ZNF704: variants seen among roughly 807,000 people sequenced by gnomAD.
ZNF704 encodes the protein glucocorticoid induced gene 1.
A neutral mutation model predicts 44.7 loss-of-function variants in ZNF704; 10 were observed. The ratio of observed to expected loss-of-function variants is 0.22; its 90% CI spans 0.14 to 0.38. The LOEUF (loss-of-function observed/expected upper bound fraction) is 0.38. ZNF704 is among the 10% of genes least tolerant of loss of function. The probability of loss-of-function intolerance (pLI) is 1.00; values close to 1 mark genes in which losing one functional copy is unlikely to be tolerated. For synonymous variants in ZNF704, 211 were observed against 207.6 expected (o/e 1.02, Z -0.14); for missense variants, 390 against 545.5 (o/e 0.71, Z 2.84).
rs553740642 is a variant in ZNF704, at chr8:80,797,327, A to G, written c.221+24047T>C. ...GGAACTCTATGGCAAGATGGAGCCC[A>G]TATTTCTGCTTGGCATTGCCCTAGT... is the stretch of plus-strand genomic sequence containing the variant. On this transcript the variant is annotated intron_variant, in intron 2 of 8. Transcript: ENST00000327835. 2.6e-5 allele frequency among the ~76,000 whole-genome samples: 4 copies of G among 152,260 alleles called. No homozygotes were observed. In the South Asian group the frequency reaches 6.2e-4, roughly 24 times the overall value.
In ZNF704 at chr8:80,874,398, C is replaced by T. The variant is rs1275368626; in HGVS notation, c.-22+173G>A. On this transcript the variant is annotated intron_variant, in intron 1 of 8. Coordinates refer to ENST00000327835, the MANE Select transcript of ZNF704 (RefSeq NM_001033723.3). This position sits in a 1 kb window ranked among gnomAD's most constrained non-coding sequence, Gnocchi z 4.4. ...GGCCGGCGGCCGAGCCCGCGCGCGC[C>T]TCTCCCGGCCGGCTGCGCCCGCGCG... Among the ~76,000 whole-genome samples, 1 of 147,800 alleles carries T rather than the reference C, an allele frequency of 6.8e-6. No individual in the cohort carries two copies. The highest frequency in any genetic ancestry group is 2.4e-5 in the African/African-American group (1 of 40,932).
chr8:80,720,928 G>A (rs887833727), intron 2 of ZNF704, among the ~76,000 whole-genome samples: 1 of 152,248 alleles, frequency 6.6e-6, no homozygotes, highest in Non-Finnish European at 1.5e-5. Context: ...AGGGGCCAGG[G>A]ACTTAGCACA....
intron 3 of ZNF704, among the ~76,000 whole-genome samples, chr8:80,690,799 A>G (rs947782183): frequency 6.6e-6 from 1 of 152,216 alleles, no homozygotes; most frequent in African/African-American, 2.4e-5. Context: ...ACCTGATGTC[A>G]GGAGTTCGGG....
chr8:80,686,386 T>C (rs1430395679), intron 4 of ZNF704, among the ~76,000 whole-genome samples: 1 of 152,190 alleles, frequency 6.6e-6, no homozygotes, highest in African/African-American at 2.4e-5. Context: ...CTACTCCTTT[T>C]TGTTTTGTTT....
chr8:80,645,025 G>C, intron 7 of ZNF704: 1 of 1,275,516 alleles, frequency 7.8e-7, no homozygotes. Flanking sequence ...CCCTGACTCT[G>C]CTGAATGCCA....
At chr8:80,853,942 G>A (rs757782713) in intron 1 of ZNF704, among the ~76,000 whole-genome samples, 15 of 152,076 alleles carry the variant, frequency 9.9e-5, no homozygotes, top group Admixed American at 2.0e-4. Flanking sequence ...AAGTCATAAA[G>A]GAAGATATCA....
intron 7 of ZNF704, among the ~76,000 whole-genome samples, chr8:80,643,700 AGTGG>A (rs1356602040): frequency 6.6e-6 from 1 of 152,150 alleles, no homozygotes; most frequent in Non-Finnish European, 1.5e-5. Flanking sequence ...ATGCATTTCA[AGTGG>A]CTCATAATAC....
intron 2 of ZNF704, among the ~76,000 whole-genome samples, chr8:80,758,142 C>T (rs1252660936): frequency 1.3e-5 from 2 of 152,172 alleles, no homozygotes; most frequent in East Asian, 3.8e-4. Context: ...TCACTGTCAT[C>T]GGAAGTATTT....
chr8:80,651,040 C>T (rs1817909493), intron 7 of ZNF704, among the ~76,000 whole-genome samples: 1 of 152,156 alleles, frequency 6.6e-6, no homozygotes, highest in Non-Finnish European at 1.5e-5. Flanking sequence ...GAATTTTCAA[C>T]CCAGAAGTTC....
chr8:80,711,122 A>G (rs575077242), intron 2 of ZNF704, among the ~76,000 whole-genome samples: 1 of 152,334 alleles, frequency 6.6e-6, no homozygotes, highest in South Asian at 2.1e-4. Flanking sequence ...CTAGGCTAAC[A>G]TAGCGTTTCC....
chr8:80,719,264 T>A (rs752492901), intron 2 of ZNF704, among the ~76,000 whole-genome samples: 1 of 152,106 alleles, frequency 6.6e-6, no homozygotes, highest in Non-Finnish European at 1.5e-5. Context: ...CTCCTGGCCA[T>A]CTATACATTT....
chr8:80,807,995 C>T (rs893085435), intron 2 of ZNF704, among the ~76,000 whole-genome samples: 6 of 152,184 alleles, frequency 3.9e-5, no homozygotes, highest in African/African-American at 7.2e-5. Flanking sequence ...GGTTATTCCA[C>T]CAGCTTCGGA....
rs1808447836 is a variant in ZNF704 at position 80,830,266 on chromosome 8, A to G, written c.-21-8651T>C. Among the ~76,000 whole-genome samples the G allele has an allele frequency of 2.6e-5, 4 of 152,190 alleles. No homozygotes were observed. In the South Asian group the frequency reaches 8.3e-4, roughly 32 times the overall value. ...TGTTTGTACACTGAGGCAGAATGGA[A>G]AGGAAGGGATAAGCAAGGACTGGCA... On this transcript the variant is annotated intron_variant, in intron 1 of 8. Transcript: ENST00000327835.
intron 2 of ZNF704, among the ~76,000 whole-genome samples, chr8:80,813,752 G>A (rs1393391138): frequency 3.9e-5 from 6 of 152,032 alleles, no homozygotes; most frequent in South Asian, 2.1e-4. Context: ...GGTGGTGGGC[G>A]CCTGTAGTCC....
chr8:80,844,741 A>T (rs989706575), intron 1 of ZNF704, among the ~76,000 whole-genome samples: 2 of 152,216 alleles, frequency 1.3e-5, no homozygotes, highest in Non-Finnish European at 2.9e-5. Flanking sequence ...CAAATTAAAC[A>T]TGCTATTAAA....
chr8:80,751,565 A>C (rs958146112), intron 2 of ZNF704, among the ~76,000 whole-genome samples: 1 of 152,242 alleles, frequency 6.6e-6, no homozygotes, highest in Non-Finnish European at 1.5e-5. Context: ...ATACACAAGC[A>C]TTAATTCCCA....
rs529843232 is a variant in ZNF704, at chr8:80,810,037, T to C, written c.221+11337A>G. ...CTCTTGAACACAGCCCTCTTCTCTG[T>C]TGCTTTTGTACTGGCCAAAGGTTTC... On this transcript the variant is annotated intron_variant, in intron 2 of 8. Coordinates refer to ENST00000327835, the MANE Select transcript of ZNF704 (RefSeq NM_001033723.3). 7.2e-5 allele frequency among the ~76,000 whole-genome samples: 11 copies of C among 152,330 alleles called. No homozygotes were observed. The South Asian group carries it at 1.9e-3, about 26-fold the overall frequency.
intron 2 of ZNF704, among the ~76,000 whole-genome samples, chr8:80,759,228 T>A (rs1332331967): frequency 2.0e-5 from 3 of 152,028 alleles, no homozygotes; most frequent in African/African-American, 7.2e-5. Flanking sequence ...CTTTGTAGAC[T>A]TTTGATGGAC....
rs1314331379 is a variant in ZNF704, at chr8:80,634,217, A to C, written c.*7149T>G. The C allele has an allele frequency of 1.3e-5, 2 of 152,230 alleles. No homozygotes were observed. Among genetic ancestry groups the C allele is most frequent in the African/African-American group, 4.8e-5 (2 of 41,460 alleles). The allele number at this position is 152,230 out of a possible 1,614,324, so 9.4% of individuals were successfully genotyped here. On this transcript the variant is annotated 3_prime_UTR_variant, in exon 9 of 9. Transcript: ENST00000327835. Reference sequence around the variant, plus strand: ...ACAGTGGCCACGGTAGAAAACACTAAGAAAATTAGGATAACAGTGATTCAA... The same window carrying C: ...ACAGTGGCCACGGTAGAAAACACTACGAAAATTAGGATAACAGTGATTCAA...
Sources: gnomAD v4.1 joint callset for allele counts (sites outside exome capture counted in the v4.1 genomes callset) on GRCh38, gnomAD v4.1.1 for gene constraint, Gnocchi (gnomAD v3.1) non-coding constraint, MANE v1.5 for transcripts, NCBI Gene and HGNC (gene_info 2026-07-23, HGNC 2026-07-21) for gene names.